Variants in SEZ6L observed in about 807,000 individuals in gnomAD.
SEZ6L encodes seizure related 6 homolog like.
SEZ6L carries 37 observed loss-of-function variants against 106.2 expected under a neutral mutation model. That is an observed-to-expected ratio of 0.35 (90% CI 0.27 to 0.46). The LOEUF (loss-of-function observed/expected upper bound fraction) is 0.46, where lower values mean the gene tolerates loss of function less well. Ranked by LOEUF, SEZ6L falls within the 20% of genes least tolerant of loss-of-function variation. The pLI is 1.00. For synonymous variants in SEZ6L, 541 were observed against 570.4 expected, an observed-to-expected ratio of 0.95 and a Z score of 0.73; for missense variants, 1,172 against 1,332.8, an observed-to-expected ratio of 0.88 and a Z score of 1.88.
chr22:26,351,358 T>C, intron 12 of SEZ6L, 115 bp downstream of exon 12: 1 of 812,712 alleles, frequency 1.2e-6, no homozygotes, highest in Non-Finnish European at 1.9e-6. Context: ...CAGGGGCTTT[T>C]ATTATCATTA....
At chr22:26,322,329 C>T (rs2082177528) in intron 9 of SEZ6L, among the ~76,000 whole-genome samples, 1 of 152,212 alleles carries the variant, frequency 6.6e-6, no homozygotes. Flanking sequence ...TCCACTTCCA[C>T]TGACTTGAAC....
intron 1 of SEZ6L, among the ~76,000 whole-genome samples, chr22:26,232,498 C>T (rs1381467077): frequency 6.6e-6 from 1 of 152,108 alleles, no homozygotes; most frequent in Non-Finnish European, 1.5e-5. Flanking sequence ...TGCCGCATAA[C>T]AACATTTCAG....
At chr22:26,294,933 C>T (rs1443253559) in intron 3 of SEZ6L, among the ~76,000 whole-genome samples, 1 of 73,784 alleles carries the variant, frequency 1.4e-5, no homozygotes, top group African/African-American at 5.4e-5. Flanking sequence ...CTTTCTCTTT[C>T]TCTTTCTTTC....
chr22:26,288,613 A>C (rs1289721603), intron 1 of SEZ6L, among the ~76,000 whole-genome samples: 1 of 152,244 alleles, frequency 6.6e-6, no homozygotes, highest in African/African-American at 2.4e-5. Context: ...TTAACATCCC[A>C]AAACTTCACT....
chr22:26,276,176 C>A (rs1362668984), intron 1 of SEZ6L, among the ~76,000 whole-genome samples: 1 of 152,210 alleles, frequency 6.6e-6, no homozygotes, highest in Non-Finnish European at 1.5e-5. Flanking sequence ...ACCAATTAAG[C>A]CTTGCATTTG....
At chr22:26,281,311 G>A (rs1370679953) in intron 1 of SEZ6L, among the ~76,000 whole-genome samples, 3 of 152,018 alleles carry the variant, frequency 2.0e-5, no homozygotes, top group Non-Finnish European at 4.4e-5. Flanking sequence ...CCAGGAGGAA[G>A]GCCTGAATTC....
At chr22:26,174,041 TG>T (rs1938807288) in intron 1 of SEZ6L, among the ~76,000 whole-genome samples, 1 of 152,188 alleles carries the variant, frequency 6.6e-6, no homozygotes, top group Admixed American at 6.5e-5. Context: ...TTTTGGGTGC[TG>T]GAGTACTATA....
At position 26,369,501 on chromosome 22, in the gene SEZ6L, C is replaced by T. The variant is rs905178892; in HGVS notation, c.2794+3935C>T. ...GACTACAGGCGCCCGCCACCACACCCGGCTAATTTTTTGTATTTTTAGTAG... is the reference window on the plus strand; with the variant it reads ...GACTACAGGCGCCCGCCACCACACCTGGCTAATTTTTTGTATTTTTAGTAG... On this transcript the variant is annotated intron_variant, in intron 13 of 16. Transcript: ENST00000248933. Among the ~76,000 whole-genome samples the T allele has an allele frequency of 5.9e-5, 9 of 151,512 alleles. No homozygotes were observed. In the East Asian group the frequency reaches 1.6e-3, roughly 26 times the overall value.
chr22:26,311,700 T>C, intron 7 of SEZ6L, 68 bp from the exon 8 acceptor site: 3 of 1,373,800 alleles, frequency 2.2e-6, no homozygotes, highest in Non-Finnish European at 3.1e-6. Flanking sequence ...GGACCCATCT[T>C]CTGAAATATA....
chr22:26,304,361 AAAAGAAAGAAGAAAG>A (rs1569454246), intron 5 of SEZ6L, among the ~76,000 whole-genome samples: 4 of 112,994 alleles, frequency 3.5e-5, no homozygotes, highest in African/African-American at 1.1e-4. Flanking sequence ...CAAAAAAAAA[AAAAGAAAGAAGAAAG>A]AAAGAAAGAA....
In SEZ6L at chr22:26,377,804, A is replaced by C. The variant is rs1421511431; in HGVS notation, c.3045+29A>C. On this transcript the variant is annotated intron_variant, in intron 16 of 16. Transcript: ENST00000248933. ...AGTTGGTCTCTCTCGTCTCTTCCCA[A>C]TTCCCTCCCTCTTTGCTCTGAATTC... 4.8e-6 allele frequency: 7 copies of C among 1,457,896 alleles called. No homozygotes were observed. The African/African-American group carries it at 9.8e-5, about 20-fold the overall frequency. 90.3% of individuals were successfully genotyped at this position (1,457,896 alleles called of 1,614,324 possible).
At chr22:26,301,711 A>G (rs999150559) in intron 5 of SEZ6L, among the ~76,000 whole-genome samples, 2 of 151,912 alleles carry the variant, frequency 1.3e-5, no homozygotes, top group African/African-American at 4.8e-5. Context: ...TTGAGTAGGA[A>G]ATAGACTGAG....
chr22:26,187,640 A>C (rs1939870707), intron 1 of SEZ6L, among the ~76,000 whole-genome samples: 1 of 152,226 alleles, frequency 6.6e-6, no homozygotes, highest in South Asian at 2.1e-4. Flanking sequence ...TCTAGAATAC[A>C]GAAAAAGCAG....
chr22:26,226,689 C>G (rs2078644004), intron 1 of SEZ6L, among the ~76,000 whole-genome samples: 1 of 152,160 alleles, frequency 6.6e-6, no homozygotes, highest in Non-Finnish European at 1.5e-5. Context: ...TCTAGCCTTT[C>G]TCTAAAATGG....
chr22:26,186,474 T>C (rs1556039973), intron 1 of SEZ6L, among the ~76,000 whole-genome samples: 1 of 151,970 alleles, frequency 6.6e-6, no homozygotes, highest in Non-Finnish European at 1.5e-5. Context: ...TTGGAATTTA[T>C]AGCCAAGGTG....
At chr22:26,334,345 A>C (rs570073872) in intron 9 of SEZ6L, among the ~76,000 whole-genome samples, 1 of 152,028 alleles carries the variant, frequency 6.6e-6, no homozygotes, top group Non-Finnish European at 1.5e-5. Context: ...GGATTTCCCT[A>C]TTCTGGATAT....
chr22:26,175,680 C>G (rs1221413087), intron 1 of SEZ6L, among the ~76,000 whole-genome samples: 1 of 152,096 alleles, frequency 6.6e-6, no homozygotes, highest in East Asian at 1.9e-4. Flanking sequence ...TGGTTGACAC[C>G]GAGATTATGT....
intron 1 of SEZ6L, among the ~76,000 whole-genome samples, chr22:26,261,228 T>C (rs938932004): frequency 6.6e-6 from 1 of 152,236 alleles, no homozygotes; most frequent in African/African-American, 2.4e-5. Context: ...GCAGAAGCTC[T>C]TTAGTTTAAT....
chr22:26,250,737 A>T (rs180990463), intron 1 of SEZ6L, among the ~76,000 whole-genome samples: 1 of 152,222 alleles, frequency 6.6e-6, no homozygotes, highest in Non-Finnish European at 1.5e-5. Flanking sequence ...GTATCTGTAG[A>T]TCACTTTTGG....
Sources: allele counts gnomAD v4.1 joint callset (sites outside exome capture counted in the v4.1 genomes callset), GRCh38; gene constraint gnomAD v4.1.1; transcripts MANE v1.5; gene names NCBI Gene and HGNC (gene_info 2026-07-23, HGNC 2026-07-21).